Variants in DOCK10 observed in about 807,000 individuals in gnomAD.
The protein encoded by DOCK10 is dedicator of cytokinesis protein 10.
In DOCK10, 145 loss-of-function variants were observed where a neutral mutation model predicts 280.1. The ratio of observed to expected loss-of-function variants is 0.52; its 90% confidence interval spans 0.45 to 0.59. The LOEUF is 0.59. Among genes scored for constraint, DOCK10 ranks in the 20% least tolerant of loss-of-function variants. DOCK10 has a pLI of 0.00. For synonymous variants in DOCK10, 915 were observed against 942.2 expected, an observed-to-expected ratio of 0.97 and a Z score of 0.53; for missense variants, 2,368 against 2,651.7, an observed-to-expected ratio of 0.89 and a Z score of 2.35.
intron 2 of DOCK10, among the ~76,000 whole-genome samples, chr2:224,931,170 C>T (rs1702347800): frequency 6.6e-6 from 1 of 152,204 alleles, no homozygotes; most frequent in South Asian, 2.1e-4. Flanking sequence ...CTAATGGAGT[C>T]CTGTCTTTGC....
intron 3 of DOCK10, among the ~76,000 whole-genome samples, chr2:224,900,716 G>A (rs1459583041): frequency 6.6e-6 from 1 of 152,160 alleles, no homozygotes; most frequent in Non-Finnish European, 1.5e-5. Flanking sequence ...ACCTTCGCTA[G>A]GATCAAATAA....
intron 1 of DOCK10, among the ~76,000 whole-genome samples, chr2:224,979,088 A>C (rs1705611016): frequency 6.6e-6 from 1 of 152,190 alleles, no homozygotes; most frequent in African/African-American, 2.4e-5. Flanking sequence ...ACCGCTTCCT[A>C]ATTAATGGTC....
chr2:224,820,978 A>G (rs1476146305), intron 28 of DOCK10, among the ~76,000 whole-genome samples: 3 of 152,252 alleles, frequency 2.0e-5, no homozygotes, highest in Admixed American at 6.5e-5. Flanking sequence ...CTTCATAAAA[A>G]GAGTGTCTAA....
intron 1 of DOCK10, among the ~76,000 whole-genome samples, chr2:224,947,382 G>C (rs1703479200): frequency 6.6e-6 from 1 of 152,198 alleles, no homozygotes; most frequent in Non-Finnish European, 1.5e-5. Context: ...AAAGTCAACT[G>C]TAATAATATG....
At chr2:224,860,537 A>C (rs902905189) in intron 14 of DOCK10, 1 of 151,988 alleles carries the variant, frequency 6.6e-6, no homozygotes, top group Non-Finnish European at 1.5e-5. Context: ...GCCCAAGCTC[A>C]CTTGGCTAAT....
intron 1 of DOCK10, among the ~76,000 whole-genome samples, chr2:225,032,064 G>A (rs1690092857): frequency 6.6e-6 from 1 of 152,096 alleles, no homozygotes; most frequent in African/African-American, 2.4e-5. Context: ...GCTAAAATCA[G>A]ATATCTTAAT....
At chr2:225,041,253 A>G (rs998893082) in intron 1 of DOCK10, among the ~76,000 whole-genome samples, 12 of 152,154 alleles carry the variant, frequency 7.9e-5, no homozygotes, top group African/African-American at 2.7e-4. Context: ...GTTCCTAATG[A>G]TATTTTCTGG....
chr2:224,833,024 C>T (rs1695335241), intron 26 of DOCK10, among the ~76,000 whole-genome samples: 1 of 152,178 alleles, frequency 6.6e-6, no homozygotes, highest in Non-Finnish European at 1.5e-5. Flanking sequence ...TGCAATTCTT[C>T]TCCGAGCATT....
At chr2:224,801,806 C>A in intron 40 of DOCK10, 110 bp downstream of exon 40, 1 of 1,173,236 alleles carries the variant, frequency 8.5e-7, no homozygotes, top group South Asian at 1.5e-5. Flanking sequence ...AGAAATATTC[C>A]CAGAGGTACA....
At chr2:224,784,705 C>A (rs1419071989) in intron 50 of DOCK10, 2 of 1,289,442 alleles carry the variant, frequency 1.6e-6, no homozygotes, top group African/African-American at 1.5e-5. Flanking sequence ...TTAGAGCATG[C>A]AAATGGAGAG....
chr2:224,865,632 C>G (rs1013407073), intron 11 of DOCK10, among the ~76,000 whole-genome samples: 10 of 152,136 alleles, frequency 6.6e-5, no homozygotes, highest in African/African-American at 2.4e-4. Flanking sequence ...AGGTGAGCAT[C>G]AGGTTGTGAG....
chr2:224,897,846 A>T (rs774519433), intron 3 of DOCK10, among the ~76,000 whole-genome samples: 1 of 152,164 alleles, frequency 6.6e-6, no homozygotes, highest in African/African-American at 2.4e-5. Context: ...AACACCTACC[A>T]TGCACCTAGC....
intron 1 of DOCK10, among the ~76,000 whole-genome samples, chr2:224,956,338 C>G (rs2126140597): frequency 6.6e-6 from 1 of 152,214 alleles, no homozygotes; most frequent in South Asian, 2.1e-4. Flanking sequence ...AAAGACCATC[C>G]ATTGGCGGGC....
intron 43 of DOCK10, 40 bp downstream of exon 43, chr2:224,796,924 G>T: frequency 6.3e-7 from 1 of 1,579,786 alleles, no homozygotes; most frequent in Non-Finnish European, 8.7e-7. Flanking sequence ...ACAGATCAGT[G>T]GTTTTAACAA....
Position 224,877,859 on chromosome 2 carries a change from T to A in DOCK10, c.748-1638A>T, listed in dbSNP as rs1183466083. Among the ~76,000 whole-genome samples, 6 of 152,206 alleles carry A rather than the reference T, an allele frequency of 3.9e-5. No individual in the cohort carries two copies. The East Asian group carries it at 1.2e-3, about 29-fold the overall frequency. On this transcript the variant is annotated intron_variant, in intron 7 of 55. Transcript: ENST00000258390. ...TAGTGTTATTTAAGGGGGTGGTTGT[T>A]GGAAAGATTACTGAAGATACTTCAT...
intron 27 of DOCK10, among the ~76,000 whole-genome samples, chr2:224,823,873 A>C (rs547718011): frequency 6.6e-6 from 1 of 152,182 alleles, no homozygotes. Flanking sequence ...TTTTCACTTT[A>C]TAATAAAAGT....
intron 1 of DOCK10, among the ~76,000 whole-genome samples, chr2:225,011,701 C>A (rs773607977): frequency 1.3e-5 from 2 of 152,184 alleles, no homozygotes; most frequent in African/African-American, 4.8e-5. Context: ...GAAAGGAAGA[C>A]GTTGGGGCTT....
At chr2:224,958,929 A>T (rs1704207007) in intron 1 of DOCK10, among the ~76,000 whole-genome samples, 1 of 152,202 alleles carries the variant, frequency 6.6e-6, no homozygotes, top group Admixed American at 6.5e-5. Context: ...ATTAAAGTAC[A>T]CTGACAAAGA....
chr2:224,885,579 T>C (rs977110303), intron 7 of DOCK10, 92 bp downstream of exon 7: 2 of 1,295,666 alleles, frequency 1.5e-6, no homozygotes, highest in East Asian at 2.6e-5. Context: ...CTAGAGCAGC[T>C]CTTGGCTCAT....
Sources: allele counts gnomAD v4.1 joint callset (sites outside exome capture counted in the v4.1 genomes callset), GRCh38; gene constraint gnomAD v4.1.1; transcripts MANE v1.5; gene names NCBI Gene and HGNC (gene_info 2026-07-23, HGNC 2026-07-21).